WNT9B: variants seen among roughly 807,000 people sequenced by gnomAD.
WNT9B encodes Wnt family member 9B.
WNT9B carries 12 observed loss-of-function variants against 30.2 expected under a neutral mutation model. That is an observed-to-expected ratio of 0.40 (90% CI 0.26 to 0.64). WNT9B has a LOEUF of 0.64. Ranked by LOEUF, WNT9B falls within the 30% of genes least tolerant of loss-of-function variation. WNT9B has a pLI of 0.42. For synonymous variants in WNT9B, 218 were observed against 216.9 expected, an observed-to-expected ratio of 1.01 and a Z score of -0.05; for missense variants, 442 against 485.2, an observed-to-expected ratio of 0.91 and a Z score of 0.84.
chr17:46,854,444 G>A (rs576790977), intron 1 of WNT9B, among the ~76,000 whole-genome samples: 3 of 152,246 alleles, frequency 2.0e-5, no homozygotes, highest in South Asian at 2.1e-4. Context: ...TCATAGAATC[G>A]TAGACTTCAG....
At chr17:46,851,540 C>T (rs2084844720), upstream of WNT9B, 2 of 595,610 alleles carry the variant, frequency 3.4e-6, no homozygotes, top group Non-Finnish European at 4.8e-6. The surrounding 1 kb of genome is among the most constrained non-coding windows in gnomAD (Gnocchi z 4.3). Flanking sequence ...GCCGCCTGCC[C>T]CGCCCCACCC....
chr17:46,857,797 A>G (rs1234161905), intron 1 of WNT9B, among the ~76,000 whole-genome samples: 1 of 152,130 alleles, frequency 6.6e-6, no homozygotes, highest in Admixed American at 6.5e-5. Flanking sequence ...TTGTGGTTTT[A>G]ATTTGTATTT....
At chr17:46,881,048 A>G (rs931928043), downstream of WNT9B, among the ~76,000 whole-genome samples, 4 of 152,246 alleles carry the variant, frequency 2.6e-5, no homozygotes, top group African/African-American at 9.6e-5. Context: ...TTCTGGCCAC[A>G]GTTCCTTCCC....
chr17:46,878,650 A>G lies in WNT9B; in HGVS notation c.*1932A>G, dbSNP rs138996529. Among the ~76,000 whole-genome samples, 536 of 152,004 alleles carry G rather than the reference A, an allele frequency of 3.5e-3. 3 individuals are homozygous for G. Among genetic ancestry groups the G allele is most frequent in the African/African-American group, 0.012 (513 of 41,436 alleles). On this transcript the variant is annotated 3_prime_UTR_variant, in exon 4 of 4. Transcript: ENST00000290015. ...TCCATCTTGCTCCTCCGAGACCCCA[A>G]CTCTGCCTCCACCCAGGCTCAGTGC...
In WNT9B at chr17:46,876,519, G is replaced by C; in HGVS notation, c.875G>C (p.Arg292Pro). 6.2e-7 allele frequency: 1 copy of C among 1,613,578 alleles called. No homozygotes were observed. Among genetic ancestry groups the C allele is most frequent in the Non-Finnish European group, 8.5e-7 (1 of 1,180,014 alleles). ...ATGGAGGACTCACCCAGCTTCTGCCGGCCCAGCAAGTACTCACCTGGCACA... is the reference window on the plus strand; with the variant it reads ...ATGGAGGACTCACCCAGCTTCTGCCCGCCCAGCAAGTACTCACCTGGCACA... ...VYMEDSPSFCRPSKYSPGTAG... is the reference protein window; with the variant it reads ...VYMEDSPSFCPPSKYSPGTAG... The change falls in exon 4 of 4, where the codon CGG becomes CCG. Residue 292 changes from arginine to proline, a missense_variant. Transcript: ENST00000290015.
intron 2 of WNT9B, among the ~76,000 whole-genome samples, chr17:46,873,803 A>G (rs989277324): frequency 2.6e-5 from 4 of 151,038 alleles, no homozygotes; most frequent in African/African-American, 9.9e-5. Flanking sequence ...CAGCGTGGTC[A>G]AAATGGTGAA....
chr17:46,852,209 G>A (rs1395935819), intron 1 of WNT9B, among the ~76,000 whole-genome samples: 2 of 152,258 alleles, frequency 1.3e-5, no homozygotes, highest in Non-Finnish European at 2.9e-5. Flanking sequence ...GGTGGGACGG[G>A]CTGTTCCCGG....
rs1048952920 is a variant in WNT9B at position 46,875,295 on chromosome 17, C to T, written c.529C>T (p.Leu177=). 3.1e-6 allele frequency: 5 copies of T among 1,614,016 alleles called. No individual in the cohort carries two copies. In the African/African-American group the frequency reaches 4.0e-5, roughly 13 times the overall value. Residue 177 remains leucine (L), a synonymous_variant, in exon 3 of 4, where the codon CTG becomes TTG. Transcript: ENST00000290015. The stretch of plus-strand genomic sequence containing the variant: ...CAGCACCAAGTTTCTGAGCAACTTC[C>T]TGGGGTCCAAGAGAGGAAACAAGGA... ...KYSTKFLSNF[L]GSKRGNKDLR...
chr17:46,850,070 G>T (rs553420487), upstream of WNT9B, among the ~76,000 whole-genome samples: 1 of 152,112 alleles, frequency 6.6e-6, no homozygotes, highest in Non-Finnish European at 1.5e-5. Context: ...GGCTGGTCTC[G>T]AATTCCTGAC....
rs759252167 is a variant in WNT9B at position 46,876,596 on chromosome 17, C to T, written c.952C>T (p.Arg318Trp). The change falls in exon 4 of 4, where the codon CGG (arginine) becomes TGG (tryptophan). Residue 318 changes from arginine to tryptophan, a missense_variant. Arg to Trp is a moderately radical substitution (Grantham distance 101). Transcript: ENST00000290015. ...CAGCTGCAGCAGCCTGTGCTGCGGGCGGGGCTATGACACCCAGAGCCGCCT... is the reference window on the plus strand; with the variant it reads ...CAGCTGCAGCAGCCTGTGCTGCGGGTGGGGCTATGACACCCAGAGCCGCCT... ...EASCSSLCCG[R>W]GYDTQSRLVA... 1.9e-5 allele frequency: 31 copies of T among 1,613,048 alleles called. No homozygotes were observed. Among genetic ancestry groups the T allele is most frequent in the Admixed American group, 8.3e-5 (5 of 59,984 alleles).
At chr17:46,833,588 G>A (rs759767701) in intron 1 of WNT9B, 15 of 367,780 alleles carry the variant, frequency 4.1e-5, no homozygotes, top group South Asian at 2.4e-4. Context: ...TCAGTGTGGT[G>A]GGCAGCCCTG....
chr17:46,847,626 C>T (rs989415000), upstream of WNT9B, among the ~76,000 whole-genome samples: 1 of 152,140 alleles, frequency 6.6e-6, no homozygotes, highest in Non-Finnish European at 1.5e-5. Flanking sequence ...CAGGACCAGC[C>T]CTCCTGGGCA....
chr17:46,851,604 G>C lies in WNT9B; in HGVS notation c.-35G>C. On this transcript the variant is annotated 5_prime_UTR_variant, in exon 1 of 4. Transcript: ENST00000290015. The surrounding 1 kb of genome is among the most constrained non-coding windows in gnomAD (Gnocchi z 4.3). ...GCGGAGCTGCGAGCTTGAGCGGCGC[G>C]AGGAGATGCTAGAGGGCGCAGCGCC... 1.7e-6 allele frequency: 2 copies of C among 1,202,544 alleles called. No individual in the cohort carries two copies. Among genetic ancestry groups the C allele is most frequent in the Non-Finnish European group, 2.1e-6 (2 of 957,612 alleles). 74.5% of individuals were successfully genotyped at this position (1,202,544 alleles called of 1,614,324 possible). A position where few individuals can be genotyped will look rare whatever the true frequency, so the allele number is the denominator to read the frequency against.
chr17:46,883,707 C>A (rs982170356), downstream of WNT9B, among the ~76,000 whole-genome samples: 2 of 152,260 alleles, frequency 1.3e-5, no homozygotes, highest in East Asian at 3.9e-4. Flanking sequence ...GTGCTGGGCA[C>A]GGCCTGGGGA....
At chr17:46,870,455 G>A (rs57986961) in intron 1 of WNT9B, among the ~76,000 whole-genome samples, 40,411 of 151,972 alleles carry the variant, frequency 0.27, 6,276 homozygotes, top group East Asian at 0.52. Flanking sequence ...TTACCCATTT[G>A]CCCCCAGATT....
intron 1 of WNT9B, among the ~76,000 whole-genome samples, chr17:46,841,964 C>T (rs2084720274): frequency 1.3e-5 from 2 of 152,212 alleles, no homozygotes; most frequent in South Asian, 4.1e-4. Flanking sequence ...CGTCCGCGGC[C>T]GCCGCGAGCA....
chr17:46,869,920 A>C (rs2146593137), intron 1 of WNT9B, among the ~76,000 whole-genome samples: 1 of 151,630 alleles, frequency 6.6e-6, no homozygotes, highest in African/African-American at 2.4e-5. Context: ...AATTGCTTGA[A>C]CCCGGGAAGT....
rs12951527 is a variant in WNT9B, at chr17:46,877,571, C to T, written c.*853C>T. ...GCCCCTCCCTGTGTTCCCTGCTGGCCAAAGGAATCTTCACTCCCAGCGCAG... is the reference window on the plus strand; with the variant it reads ...GCCCCTCCCTGTGTTCCCTGCTGGCTAAAGGAATCTTCACTCCCAGCGCAG... On this transcript the variant is annotated 3_prime_UTR_variant, in exon 4 of 4. Transcript: ENST00000290015. 0.018 allele frequency among the ~76,000 whole-genome samples: 2,668 copies of T among 152,230 alleles called. 32 individuals are homozygous for T. The highest frequency in any genetic ancestry group is 0.026 in the Non-Finnish European group (1,762 of 68,016).
In WNT9B at chr17:46,876,400, C is replaced by T. The variant is rs1323262300; in HGVS notation, c.756C>T (p.Thr252=). The change falls in exon 4 of 4, where the codon ACC becomes ACT. Residue 252 remains threonine, a synonymous_variant. Coordinates refer to ENST00000290015, the MANE Select transcript of WNT9B (RefSeq NM_003396.3). The part of the protein sequence containing the change: ...YDSAVKVSSA[T]NEALGRLELW... ...CGGCTGTCAAGGTGTCCAGTGCCACCAATGAGGCCTTGGGCCGCCTAGAGC... is the reference window on the plus strand; with the variant it reads ...CGGCTGTCAAGGTGTCCAGTGCCACTAATGAGGCCTTGGGCCGCCTAGAGC... The T allele has an allele frequency of 6.2e-7, 1 of 1,613,792 alleles. No individual in the cohort carries two copies. The highest frequency in any genetic ancestry group is 8.5e-7 in the Non-Finnish European group (1 of 1,180,052).
Sources: allele counts gnomAD v4.1 joint callset (sites outside exome capture counted in the v4.1 genomes callset), GRCh38; gene constraint gnomAD v4.1.1; non-coding constraint Gnocchi (gnomAD v3.1); transcripts MANE v1.5; gene names NCBI Gene and HGNC (gene_info 2026-07-23, HGNC 2026-07-21).